NRXN3: variants seen among roughly 807,000 people sequenced by gnomAD.
The protein encoded by NRXN3 is neurexin 3.
In NRXN3, 32 loss-of-function variants were observed where a neutral mutation model predicts 137.6. The observed-to-expected ratio is 0.23, with a 90% CI of 0.18 to 0.31. The LOEUF (loss-of-function observed/expected upper bound fraction) is 0.31. NRXN3 is among the 10% of genes least tolerant of loss of function. The pLI, the probability that NRXN3 is intolerant of heterozygous loss-of-function variation, is 1.00. For synonymous variants in NRXN3, 798 were observed against 784.5 expected (o/e 1.02, Z -0.29); for missense variants, 1,574 against 2,062.5 (o/e 0.76, Z 4.59).
intron 10 of NRXN3, among the ~76,000 whole-genome samples, chr14:78,919,477 C>T (rs984908811): frequency 6.6e-6 from 1 of 152,144 alleles, no homozygotes. Flanking sequence ...ATATTTTGTT[C>T]TAAAATATCA....
At chr14:78,448,292 AC>A (rs1344180943) in intron 4 of NRXN3, among the ~76,000 whole-genome samples, 1 of 152,172 alleles carries the variant, frequency 6.6e-6, no homozygotes, top group Non-Finnish European at 1.5e-5. Context: ...ATTGCCCAAT[AC>A]CTGTTTTAAT....
At chr14:78,190,875 T>C (rs1457609313) in intron 1 of NRXN3, among the ~76,000 whole-genome samples, 4 of 152,056 alleles carry the variant, frequency 2.6e-5, no homozygotes, top group Non-Finnish European at 4.4e-5. Flanking sequence ...GGTTTCACCA[T>C]GTTGGCCAGG....
chr14:78,363,538 T>C (rs2085449397), intron 4 of NRXN3, among the ~76,000 whole-genome samples: 1 of 152,180 alleles, frequency 6.6e-6, no homozygotes, highest in Non-Finnish European at 1.5e-5. Context: ...ACATACAGGT[T>C]GATTAAATTA....
At chr14:79,261,846 T>A (rs923436676) in intron 15 of NRXN3, among the ~76,000 whole-genome samples, 1 of 152,050 alleles carries the variant, frequency 6.6e-6, no homozygotes, top group African/African-American at 2.4e-5. Flanking sequence ...GAGGAGGGGC[T>A]CTGGGACTTT....
At chr14:79,318,134 C>CA (rs1001242242) in intron 15 of NRXN3, among the ~76,000 whole-genome samples, 7 of 151,938 alleles carry the variant, frequency 4.6e-5, no homozygotes, top group African/African-American at 1.5e-4. Context: ...GTAACATTTC[C>CA]AAAAAAATAT....
At chr14:78,724,036 G>T (rs568933952) in intron 8 of NRXN3, among the ~76,000 whole-genome samples, 1 of 152,282 alleles carries the variant, frequency 6.6e-6, no homozygotes, top group East Asian at 1.9e-4. Context: ...CCAAGCTTTG[G>T]CATATGTTTG....
chr14:79,355,632 T>G (rs962753807), intron 15 of NRXN3, among the ~76,000 whole-genome samples: 17 of 152,230 alleles, frequency 1.1e-4, no homozygotes. Flanking sequence ...CAGCTTTTAT[T>G]GAAAGTTTCT....
intron 19 of NRXN3, among the ~76,000 whole-genome samples, chr14:79,733,478 C>T (rs1288172463): frequency 1.3e-5 from 2 of 152,086 alleles, no homozygotes; most frequent in African/African-American, 4.8e-5. Context: ...GCCGCTAAAA[C>T]CTTTACTGTG....
intron 8 of NRXN3, among the ~76,000 whole-genome samples, chr14:78,783,670 T>TA (rs2098778149): frequency 6.6e-6 from 1 of 152,070 alleles, no homozygotes; most frequent in African/African-American, 2.4e-5. Context: ...AAGTTTGAAA[T>TA]AAAAAAGTTT....
chr14:79,257,752 A>C (rs1430967289), intron 15 of NRXN3, among the ~76,000 whole-genome samples: 2 of 151,834 alleles, frequency 1.3e-5, no homozygotes, highest in Admixed American at 6.6e-5. Flanking sequence ...CAGGAAGATC[A>C]TGATATCAAC....
chr14:78,778,696 T>TTC (rs1271949268), intron 8 of NRXN3, among the ~76,000 whole-genome samples: 1 of 147,134 alleles, frequency 6.8e-6, no homozygotes, highest in Non-Finnish European at 1.5e-5. Context: ...CTTTCTTTCT[T>TTC]TCTTTCTTTC....
chr14:79,477,592 A>C (rs1014262968), intron 16 of NRXN3, among the ~76,000 whole-genome samples: 1 of 152,126 alleles, frequency 6.6e-6, no homozygotes. Flanking sequence ...CCAATGATCG[A>C]TTGTTTCTGA....
intron 4 of NRXN3, among the ~76,000 whole-genome samples, chr14:78,523,391 G>T (rs1386483698): frequency 6.6e-6 from 1 of 152,150 alleles, no homozygotes; most frequent in African/African-American, 2.4e-5. Context: ...CAATAATTTG[G>T]TTGCTGCATA....
chr14:78,486,269 A>G (rs781147552), intron 4 of NRXN3, among the ~76,000 whole-genome samples: 14 of 152,142 alleles, frequency 9.2e-5, no homozygotes, highest in Admixed American at 3.9e-4. Flanking sequence ...CTCCAAGTCC[A>G]AGTTGGGAGG....
chr14:79,434,577 T>A (rs575546095), intron 15 of NRXN3, among the ~76,000 whole-genome samples: 1 of 152,292 alleles, frequency 6.6e-6, no homozygotes, highest in East Asian at 1.9e-4. Context: ...GATGGCGTAT[T>A]CTCTTCATAA....
chr14:78,729,132 C>T (rs1412234337), intron 8 of NRXN3, among the ~76,000 whole-genome samples: 1 of 152,174 alleles, frequency 6.6e-6, no homozygotes, highest in African/African-American at 2.4e-5. Flanking sequence ...TATTATTCTT[C>T]TCTCTTTTAA....
intron 16 of NRXN3, among the ~76,000 whole-genome samples, chr14:79,597,010 T>C (rs2097864876): frequency 6.6e-6 from 1 of 152,176 alleles, no homozygotes; most frequent in Non-Finnish European, 1.5e-5. Flanking sequence ...TACCAGCTTA[T>C]CAGATGGATC....
intron 15 of NRXN3, among the ~76,000 whole-genome samples, chr14:79,011,089 CTATT>C (rs111959077): frequency 0.039 from 5,863 of 152,200 alleles, 312 homozygotes; most frequent in African/African-American, 0.12. Context: ...CCACACGTCT[CTATT>C]TACGTAGAGG....
At chr14:78,695,883 CA>C (rs926265238) in intron 6 of NRXN3, 10 of 152,048 alleles carry the variant, frequency 6.6e-5, no homozygotes, top group African/African-American at 2.2e-4. Context: ...GCAGGGACTT[CA>C]CCAATGTTTG....
Sources: gnomAD v4.1 joint callset for allele counts (sites outside exome capture counted in the v4.1 genomes callset) on GRCh38, gnomAD v4.1.1 for gene constraint, MANE v1.5 for transcripts, NCBI Gene and HGNC (gene_info 2026-07-23, HGNC 2026-07-21) for gene names.